SH3GL3: variants seen among roughly 807,000 people sequenced by gnomAD.
The protein encoded by SH3GL3 is endophilin-A3.
In SH3GL3, 33 loss-of-function variants were observed where a neutral mutation model predicts 47.7. The ratio of observed to expected loss-of-function variants is 0.69; its 90% CI spans 0.52 to 0.92. The LOEUF is 0.92. SH3GL3 is among the 40% of genes least tolerant of loss of function. The pLI, the probability that SH3GL3 is intolerant of heterozygous loss-of-function variation, is 0.00. For missense variants in SH3GL3, 363 were observed against 417.8 expected (o/e 0.87, Z 1.14); for synonymous variants, 155 against 148.8 (o/e 1.04, Z -0.30).
Position 83,618,462 on chromosome 15 carries a change from T to C in SH3GL3, c.*175T>C, listed in dbSNP as rs904653379. 1 of 558,696 alleles carries C rather than the reference T, an allele frequency of 1.8e-6. No individual in the cohort carries two copies. Among genetic ancestry groups the C allele is most frequent in the African/African-American group, 2.3e-5 (1 of 44,260 alleles). 34.6% of individuals were successfully genotyped at this position (558,696 alleles called of 1,614,324 possible). On this transcript the variant is annotated 3_prime_UTR_variant, in exon 9 of 9. Transcript: ENST00000427482. Reference sequence around the variant, plus strand: ...CTTTAATTTGTATAAATGATTTTCTTGTCCTTGCTACATGAAAATATTTTC... The same window carrying C: ...CTTTAATTTGTATAAATGATTTTCTCGTCCTTGCTACATGAAAATATTTTC...
chr15:83,522,515 C>T (rs1436931071), intron 1 of SH3GL3, among the ~76,000 whole-genome samples: 1 of 152,220 alleles, frequency 6.6e-6, no homozygotes, highest in Non-Finnish European at 1.5e-5. Flanking sequence ...TTGCTGACCA[C>T]ATTTTGGCAA....
intron 5 of SH3GL3, among the ~76,000 whole-genome samples, chr15:83,574,781 C>T (rs549778095): frequency 6.6e-6 from 1 of 152,322 alleles, no homozygotes; most frequent in South Asian, 2.1e-4. Context: ...TGACGTTTTG[C>T]TTTGTGCTTT....
At chr15:83,534,919 CAT>C (rs773977040) in intron 1 of SH3GL3, among the ~76,000 whole-genome samples, 3 of 152,096 alleles carry the variant, frequency 2.0e-5, no homozygotes, top group Non-Finnish European at 4.4e-5. Context: ...AAAAGAAAAA[CAT>C]GTGTTTGTAT....
intron 8 of SH3GL3, among the ~76,000 whole-genome samples, chr15:83,604,134 G>A (rs1202822072): frequency 2.0e-5 from 3 of 151,760 alleles, no homozygotes; most frequent in East Asian, 3.9e-4. Context: ...CAACAAGAGT[G>A]AAACTCTGTC....
chr15:83,598,384 G>A (rs996096818), intron 8 of SH3GL3, among the ~76,000 whole-genome samples: 97 of 152,284 alleles, frequency 6.4e-4, no homozygotes, highest in African/African-American at 2.3e-3. Flanking sequence ...TCCTCCATCT[G>A]CTGCTTTCCA....
In SH3GL3 at chr15:83,448,701, A is replaced by G. The variant is rs1327705188; in HGVS notation, c.45+1123A>G. Among the ~76,000 whole-genome samples the G allele has an allele frequency of 1.3e-5, 2 of 152,076 alleles. No individual in the cohort carries two copies. The highest frequency in any genetic ancestry group is 2.9e-5 in the Non-Finnish European group (2 of 68,030). On this transcript the variant is annotated intron_variant, in intron 1 of 8. Coordinates refer to ENST00000427482, the MANE Select transcript of SH3GL3 (RefSeq NM_003027.5). The surrounding 1 kb of genome is among the most constrained non-coding windows in gnomAD (Gnocchi z 4.2). ...AGGTCTCATCCTGCTTCTCCCACAA[A>G]TTGGCCCATAGAAAGCAACTGCAAT...
intron 1 of SH3GL3, among the ~76,000 whole-genome samples, chr15:83,529,637 G>A (rs923103424): frequency 5.4e-5 from 8 of 147,692 alleles, no homozygotes; most frequent in African/African-American, 9.9e-5. Flanking sequence ...GCTGTGGTGG[G>A]ACAATCTGTG....
intron 6 of SH3GL3, among the ~76,000 whole-genome samples, chr15:83,581,769 T>A (rs989330661): frequency 6.6e-6 from 1 of 152,208 alleles, no homozygotes; most frequent in African/African-American, 2.4e-5. Flanking sequence ...TTGGCAGAAC[T>A]GGGAATGGGA....
chr15:83,487,682 T>A (rs1030994386), intron 1 of SH3GL3, among the ~76,000 whole-genome samples: 3 of 152,140 alleles, frequency 2.0e-5, no homozygotes, highest in Non-Finnish European at 2.9e-5. Context: ...CACTGGCCAT[T>A]TGCAGTGTAC....
intron 3 of SH3GL3, among the ~76,000 whole-genome samples, chr15:83,567,945 G>A (rs2045629080): frequency 6.7e-6 from 1 of 150,286 alleles, no homozygotes; most frequent in African/African-American, 2.5e-5. Flanking sequence ...TCAGCAATGT[G>A]CCCCATCATT....
At chr15:83,628,734 G>A in the SH3GL3 span, among the ~76,000 whole-genome samples, 3 of 152,026 alleles carry the variant, frequency 2.0e-5, no homozygotes, top group African/African-American at 7.3e-5. Flanking sequence ...GTGACAGAGC[G>A]AGACTCAGTC....
intron 1 of SH3GL3, among the ~76,000 whole-genome samples, chr15:83,511,751 C>T (rs904970279): frequency 1.3e-5 from 2 of 152,150 alleles, no homozygotes; most frequent in Non-Finnish European, 2.9e-5. Context: ...CAGTGTACCG[C>T]GCACCTGCTG....
intron 1 of SH3GL3, among the ~76,000 whole-genome samples, chr15:83,547,490 C>A (rs188412051): frequency 6.6e-6 from 1 of 152,314 alleles, no homozygotes; most frequent in East Asian, 1.9e-4. Context: ...TCATTCCTAT[C>A]CTCTTCAGTG....
In SH3GL3 at chr15:83,576,739, GA is replaced by G; in HGVS notation, c.623del (p.Asp208ValfsTer2). 6.3e-7 allele frequency: 1 copy of G among 1,593,524 alleles called. No homozygotes were observed. On this transcript the variant is annotated frameshift_variant and splice_region_variant, in exon 6 of 9. Coordinates refer to ENST00000427482, the MANE Select transcript of SH3GL3 (RefSeq NM_003027.5). LOFTEE classifies it high-confidence loss of function. ...ERSMFNFLENDVEQVSQLAVF... is the reference protein window; with the variant it reads ...ERSMFNFLENXVEQVSQLAVF... The stretch of plus-strand genomic sequence containing the variant: ...AAGCATGTTTAACTTTTTAGAAAAT[GA>G]TGTAAGTATTTAAACCAAATAGGAG...
At chr15:83,589,131 T>C (rs188028602) in intron 8 of SH3GL3, among the ~76,000 whole-genome samples, 66 of 152,312 alleles carry the variant, frequency 4.3e-4, no homozygotes, top group African/African-American at 1.5e-3. Context: ...CGTTATTTTT[T>C]ATTAAACAAG....
At chr15:83,465,683 C>T (rs62027514) in intron 1 of SH3GL3, among the ~76,000 whole-genome samples, 23,154 of 152,084 alleles carry the variant, frequency 0.15, 2,412 homozygotes, top group Non-Finnish European at 0.23. Context: ...TTCAAATAGA[C>T]ATTTACCCTT....
intron 5 of SH3GL3, among the ~76,000 whole-genome samples, chr15:83,573,265 A>G (rs1169342494): frequency 1.3e-5 from 2 of 152,234 alleles, no homozygotes; most frequent in African/African-American, 2.4e-5. Context: ...CTCTGGAGGT[A>G]CAAGCACCGT....
chr15:83,575,555 CAG>C (rs2059652603), intron 5 of SH3GL3, among the ~76,000 whole-genome samples: 2 of 152,290 alleles, frequency 1.3e-5, no homozygotes, highest in East Asian at 3.9e-4. Flanking sequence ...GCTCAGAAAT[CAG>C]GGGTCAGGGG....
intron 1 of SH3GL3, among the ~76,000 whole-genome samples, chr15:83,476,653 T>G (rs900486892): frequency 6.6e-5 from 10 of 152,244 alleles, no homozygotes; most frequent in Middle Eastern, 3.2e-3. Context: ...CAGATTTCAG[T>G]GTTCATACAT....
Sources: allele counts gnomAD v4.1 joint callset (sites outside exome capture counted in the v4.1 genomes callset), GRCh38; gene constraint gnomAD v4.1.1; non-coding constraint Gnocchi (gnomAD v3.1); transcripts MANE v1.5; gene names NCBI Gene and HGNC (gene_info 2026-07-23, HGNC 2026-07-21).